IQCJ: variants seen among roughly 807,000 people sequenced by gnomAD.
The protein encoded by IQCJ is IQ motif containing J, also known as IQ domain-containing protein J.
IQCJ carries 9 observed loss-of-function variants against 11.0 expected under a neutral mutation model. That is an observed-to-expected ratio of 0.82 (90% CI 0.49 to 1.43). The LOEUF (loss-of-function observed/expected upper bound fraction) is 1.43. Among genes scored for constraint, IQCJ ranks in the 40% most tolerant of loss-of-function variants. The pLI is 0.00. For missense variants in IQCJ, 146 were observed against 133.2 expected (o/e 1.10, Z -0.47); for synonymous variants, 55 against 51.3 (o/e 1.07, Z -0.31).
At chr3:159,116,812 C>A (rs1191441287) in intron 1 of IQCJ, among the ~76,000 whole-genome samples, 2 of 151,648 alleles carry the variant, frequency 1.3e-5, no homozygotes, top group African/African-American at 4.8e-5. Flanking sequence ...CCAAACCACA[C>A]AAGCACAACA....
intron 1 of IQCJ, among the ~76,000 whole-genome samples, chr3:159,071,145 T>A (rs896860536): frequency 6.6e-6 from 1 of 152,014 alleles, no homozygotes; most frequent in South Asian, 2.1e-4. Context: ...TGTATATTTT[T>A]AAAAATTTAC....
chr3:159,090,192 G>A (rs1717148878), intron 1 of IQCJ, among the ~76,000 whole-genome samples: 3 of 151,696 alleles, frequency 2.0e-5, no homozygotes, highest in South Asian at 4.1e-4. Context: ...TGAGGTGTCA[G>A]TCTGCCCCTG....
At chr3:159,246,924 T>C (rs1409767906) in intron 2 of IQCJ, among the ~76,000 whole-genome samples, 1 of 152,108 alleles carries the variant, frequency 6.6e-6, no homozygotes, top group Non-Finnish European at 1.5e-5. Context: ...TTGTAAAAGT[T>C]CAACCTACCC....
At chr3:159,206,032 T>A (rs1238204118) in intron 1 of IQCJ, among the ~76,000 whole-genome samples, 1 of 152,172 alleles carries the variant, frequency 6.6e-6, no homozygotes, top group African/African-American at 2.4e-5. Flanking sequence ...CTTTATCTTC[T>A]CTATTCTTTG....
intron 1 of IQCJ, among the ~76,000 whole-genome samples, chr3:159,130,601 A>T (rs151332154): frequency 1.3e-5 from 2 of 152,278 alleles, no homozygotes; most frequent in African/African-American, 4.8e-5. Flanking sequence ...AATAAAATAC[A>T]TTGTGTACCT....
intron 1 of IQCJ, among the ~76,000 whole-genome samples, chr3:159,202,146 G>T (rs1316793675): frequency 6.6e-6 from 1 of 152,068 alleles, no homozygotes; most frequent in Non-Finnish European, 1.5e-5. Context: ...CTGGGGGAGG[G>T]TGTCCATAGT....
chr3:159,101,723 G>C (rs769991676), intron 1 of IQCJ, among the ~76,000 whole-genome samples: 2 of 152,070 alleles, frequency 1.3e-5, no homozygotes, highest in African/African-American at 4.8e-5. Flanking sequence ...TTTGTGTTCA[G>C]GTTTCACCAG....
At chr3:159,171,969 G>A (rs1421844247) in intron 1 of IQCJ, among the ~76,000 whole-genome samples, 1 of 152,146 alleles carries the variant, frequency 6.6e-6, no homozygotes, top group Non-Finnish European at 1.5e-5. Flanking sequence ...ATGTGTGATG[G>A]CTGACTGAAT....
intron 1 of IQCJ, among the ~76,000 whole-genome samples, chr3:159,222,993 C>T (rs1725638794): frequency 6.6e-6 from 1 of 151,924 alleles, no homozygotes; most frequent in South Asian, 2.1e-4. Context: ...GTTAGATTAT[C>T]ATCAAATTTT....
At chr3:159,133,499 T>C (rs1462671478) in intron 1 of IQCJ, among the ~76,000 whole-genome samples, 5 of 152,236 alleles carry the variant, frequency 3.3e-5, no homozygotes, top group Non-Finnish European at 7.3e-5. Flanking sequence ...TAAAAACCTT[T>C]CATTTTAATT....
intron 1 of IQCJ, among the ~76,000 whole-genome samples, chr3:159,241,988 T>A (rs138081632): frequency 6.6e-6 from 1 of 152,322 alleles, no homozygotes; most frequent in East Asian, 1.9e-4. Flanking sequence ...TGAGCAAATA[T>A]CTGGATGAAG....
intron 1 of IQCJ, among the ~76,000 whole-genome samples, chr3:159,198,610 G>A (rs755052628): frequency 1.3e-5 from 2 of 152,210 alleles, no homozygotes; most frequent in Non-Finnish European, 2.9e-5. Flanking sequence ...CTAGGAAGGG[G>A]ATGAGTTAGA....
chr3:159,213,838 T>C (rs1725079400), intron 1 of IQCJ, among the ~76,000 whole-genome samples: 1 of 152,188 alleles, frequency 6.6e-6, no homozygotes, highest in African/African-American at 2.4e-5. Context: ...TCTTAACTTC[T>C]TTATCATTTG....
Position 159,262,554 on chromosome 3 carries a change from G to A in IQCJ, c.162G>A (p.Gln54=). ...TTTTGTTTTGTTTTTTCAGCATTCAGCGAGCATGGCGAGAGTACCTGCAGC... is the reference window on the plus strand; with the variant it reads ...TTTTGTTTTGTTTTTTCAGCATTCAACGAGCATGGCGAGAGTACCTGCAGC... ...QPLESKVKII[Q]RAWREYLQRQ... is the part of the protein sequence containing the mutation. Residue 54 remains glutamine (Q), a synonymous_variant, in exon 4 of 4, where the codon CAG becomes CAA. Coordinates refer to ENST00000397832, the MANE Select transcript of IQCJ (RefSeq NM_001042706.3). 1.9e-6 allele frequency: 3 copies of A among 1,612,756 alleles called. No homozygotes were observed. The highest frequency in any genetic ancestry group is 1.7e-6 in the Non-Finnish European group (2 of 1,179,252).
chr3:159,137,044 A>C (rs778344492), intron 1 of IQCJ, among the ~76,000 whole-genome samples: 1 of 152,134 alleles, frequency 6.6e-6, no homozygotes, highest in Non-Finnish European at 1.5e-5. Context: ...CAGGTGGATC[A>C]CCAGGTCAGG....
chr3:159,136,779 A>G (rs1720315448), intron 1 of IQCJ, among the ~76,000 whole-genome samples: 1 of 152,220 alleles, frequency 6.6e-6, no homozygotes, highest in Non-Finnish European at 1.5e-5. Flanking sequence ...CCTGGAAGCT[A>G]GGATTTCAAC....
intron 1 of IQCJ, among the ~76,000 whole-genome samples, chr3:159,116,894 A>ATTAGTAAAGAG (rs1719056943): frequency 6.6e-6 from 1 of 151,872 alleles, no homozygotes; most frequent in Non-Finnish European, 1.5e-5. Flanking sequence ...CCTGAGAAGG[A>ATTAGTAAAGAG]TCACTGTTTG....
chr3:159,261,686 A>T (rs1045622383), intron 3 of IQCJ, among the ~76,000 whole-genome samples: 1 of 152,186 alleles, frequency 6.6e-6, no homozygotes, highest in Non-Finnish European at 1.5e-5. Context: ...GTATTTCTTC[A>T]TAGCAGCATG....
intron 1 of IQCJ, among the ~76,000 whole-genome samples, chr3:159,089,650 C>T (rs1717088465): frequency 6.6e-6 from 1 of 151,698 alleles, no homozygotes; most frequent in Non-Finnish European, 1.5e-5. Flanking sequence ...AACTTCCCTT[C>T]TCGCTTCATT....
Sources: gnomAD v4.1 joint callset for allele counts (sites outside exome capture counted in the v4.1 genomes callset) on GRCh38, gnomAD v4.1.1 for gene constraint, MANE v1.5 for transcripts, NCBI Gene and HGNC (gene_info 2026-07-23, HGNC 2026-07-21) for gene names.